UTRN: variants seen among roughly 807,000 people sequenced by gnomAD.
UTRN encodes the protein dystrophin-related protein 1.
A neutral mutation model predicts 463.9 loss-of-function variants in UTRN; 283 were observed. That is an observed-to-expected ratio of 0.61 (90% confidence interval 0.55 to 0.67). The LOEUF (loss-of-function observed/expected upper bound fraction) is 0.67. UTRN is among the 30% of genes least tolerant of loss of function. UTRN has a pLI of 0.00. For synonymous variants in UTRN, 1,442 were observed against 1,431.5 expected, an observed-to-expected ratio of 1.01 and a Z score of -0.17; for missense variants, 3,922 against 4,084.3, an observed-to-expected ratio of 0.96 and a Z score of 1.08.
At chr6:144,605,977 CTCTT>C (rs1338759669) in intron 51 of UTRN, among the ~76,000 whole-genome samples, 1 of 152,072 alleles carries the variant, frequency 6.6e-6, no homozygotes, top group African/African-American at 2.4e-5. Context: ...ACTGCAAAAA[CTCTT>C]TCTTGGAAAT....
In UTRN at chr6:144,426,307, T is replaced by A. The variant is rs1302001752; in HGVS notation, c.426T>A (p.Asp142Glu). 1.2e-6 allele frequency: 2 copies of A among 1,613,908 alleles called. No individual in the cohort carries two copies. Among genetic ancestry groups the A allele is most frequent in the African/African-American group, 1.3e-5 (1 of 75,014 alleles). ...CATAGGTGAAAGATGTCATGAAGGA[T>A]GTCATGTCGGACCTGCAGCAGACGA... ...LHWQVKDVMK[D>E]VMSDLQQTNS... The change falls in exon 7 of 75, where the codon GAT (aspartate) becomes GAA (glutamate). Residue 142 changes from aspartate to glutamate, a missense_variant. By Grantham distance (45) the Asp-to-Glu change is conservative. Coordinates refer to ENST00000367545, the MANE Select transcript of UTRN (RefSeq NM_007124.3).
chr6:144,538,365 T>C (rs1797712683), intron 44 of UTRN, among the ~76,000 whole-genome samples: 1 of 152,116 alleles, frequency 6.6e-6, no homozygotes, highest in Admixed American at 6.5e-5. Flanking sequence ...TGCTCACATT[T>C]TTTTTTAAAA....
intron 54 of UTRN, among the ~76,000 whole-genome samples, chr6:144,736,268 A>G (rs1291582950): frequency 6.6e-6 from 1 of 152,212 alleles, no homozygotes; most frequent in Non-Finnish European, 1.5e-5. Flanking sequence ...GAAGTACTCA[A>G]TGTTGGAGAG....
chr6:144,567,062 G>T (rs889819965), intron 50 of UTRN, among the ~76,000 whole-genome samples: 10 of 152,100 alleles, frequency 6.6e-5, no homozygotes, highest in Admixed American at 1.3e-4. Context: ...TGGTAGGTTC[G>T]ATTGAGCCTA....
intron 69 of UTRN, among the ~76,000 whole-genome samples, chr6:144,835,425 T>G (rs2128760170): frequency 6.6e-6 from 1 of 152,368 alleles, no homozygotes; most frequent in Non-Finnish European, 1.5e-5. Flanking sequence ...CTTAATTCAG[T>G]AGTCTTTTAA....
chr6:144,593,774 A>G (rs957913375), intron 51 of UTRN, among the ~76,000 whole-genome samples: 3 of 152,176 alleles, frequency 2.0e-5, no homozygotes, highest in Admixed American at 6.5e-5. Context: ...ACATTTTTAT[A>G]TTAATAAAAA....
chr6:144,810,738 A>T (rs1043873221), intron 65 of UTRN, among the ~76,000 whole-genome samples: 1 of 152,218 alleles, frequency 6.6e-6, no homozygotes, highest in Admixed American at 6.5e-5. Flanking sequence ...AGCTACTTCC[A>T]GCATTTCAAT....
chr6:144,490,763 G>A (rs930670312), intron 31 of UTRN, among the ~76,000 whole-genome samples, 166 bp from the exon 32 acceptor site: 18 of 152,112 alleles, frequency 1.2e-4, no homozygotes, highest in East Asian at 3.8e-4. Flanking sequence ...TTAGGTGATC[G>A]GGTACCCTCA....
intron 2 of UTRN, among the ~76,000 whole-genome samples, chr6:144,395,917 A>T (rs962069215): frequency 2.0e-5 from 3 of 152,178 alleles, no homozygotes; most frequent in Non-Finnish European, 4.4e-5. Context: ...TGGAACTCTC[A>T]TGCATTATGG....
chr6:144,468,399 C>CA, intron 23 of UTRN, among the ~76,000 whole-genome samples: 1 of 151,892 alleles, frequency 6.6e-6, no homozygotes, highest in African/African-American at 2.4e-5. Context: ...TTTTGATTTT[C>CA]AAAAAATACT....
chr6:144,447,454 TGGA>T (rs766681124), intron 15 of UTRN, 136 bp downstream of exon 15: 5 of 1,260,764 alleles, frequency 4.0e-6, no homozygotes, highest in Non-Finnish European at 5.5e-6. Flanking sequence ...TGTAACAATC[TGGA>T]ACCACGAGTC....
At chr6:144,759,134 C>T (rs1792350272) in intron 58 of UTRN, among the ~76,000 whole-genome samples, 1 of 151,984 alleles carries the variant, frequency 6.6e-6, no homozygotes, top group African/African-American at 2.4e-5. Context: ...ATATACGTTA[C>T]ATTAGCTTAT....
Position 144,619,732 on chromosome 6 carries a change from AAAG to A in UTRN, c.7479+42452_7479+42454del, listed in dbSNP as rs1327851567. ...AGTTAGATGGACAAAGTTAGATGACAAAGAAGAAGACAAAGTTAGATGGACTCC... is the reference window on the plus strand; with the variant it reads ...AGTTAGATGGACAAAGTTAGATGACAAAGAAGACAAAGTTAGATGGACTCC... On this transcript the variant is annotated intron_variant, in intron 51 of 74. Transcript: ENST00000367545. 5.3e-5 allele frequency among the ~76,000 whole-genome samples: 8 copies of A among 152,230 alleles called. 1 individual carries two copies. The South Asian group carries it at 8.3e-4, about 16-fold the overall frequency.
rs577874047 is a variant in UTRN at position 144,494,789 on chromosome 6, C to T, written c.4593+1333C>T. ...GATTGGTGCATTCACAAACCCTGAG[C>T]TAGACACAGGGTGCTGATTGGTGTG... On this transcript the variant is annotated intron_variant, in intron 33 of 74. Transcript: ENST00000367545. Among the ~76,000 whole-genome samples the T allele has an allele frequency of 1.6e-3, 238 of 152,236 alleles. 2 individuals are homozygous for T. The highest frequency in any genetic ancestry group is 5.6e-3 in the African/African-American group (232 of 41,528).
intron 51 of UTRN, among the ~76,000 whole-genome samples, chr6:144,639,505 A>T (rs61515235): frequency 0.017 from 2,592 of 152,242 alleles, 52 homozygotes; most frequent in African/African-American, 0.046. Context: ...CACTGGACAT[A>T]CAAGTTCGTG....
chr6:144,576,137 G>A (rs1167521195), intron 50 of UTRN, among the ~76,000 whole-genome samples: 1 of 152,070 alleles, frequency 6.6e-6, no homozygotes, highest in Non-Finnish European at 1.5e-5. Flanking sequence ...TAAATATAGT[G>A]TATTTTGTTT....
At chr6:144,512,598 T>C (rs957640386) in intron 35 of UTRN, among the ~76,000 whole-genome samples, 13 of 151,892 alleles carry the variant, frequency 8.6e-5, no homozygotes, top group Non-Finnish European at 1.6e-4. Flanking sequence ...CTGTCACCCA[T>C]GCTGGAGTGC....
At chr6:144,829,590 C>G (rs1305790146) in intron 69 of UTRN, among the ~76,000 whole-genome samples, 1 of 151,144 alleles carries the variant, frequency 6.6e-6, no homozygotes, top group African/African-American at 2.4e-5. Flanking sequence ...TGAATAATAT[C>G]TAAAAGACTA....
intron 51 of UTRN, among the ~76,000 whole-genome samples, chr6:144,654,648 A>G (rs933698101): frequency 2.0e-5 from 3 of 152,248 alleles, no homozygotes; most frequent in Admixed American, 6.5e-5. Context: ...ATTTAGTTGC[A>G]TATGCTACAG....
Sources: gnomAD v4.1 joint callset for allele counts (sites outside exome capture counted in the v4.1 genomes callset) on GRCh38, gnomAD v4.1.1 for gene constraint, MANE v1.5 for transcripts, NCBI Gene and HGNC (gene_info 2026-07-23, HGNC 2026-07-21) for gene names.